The following DTWD2 variants were observed in gnomAD, a reference collection of about 807,000 sequenced individuals.
The protein encoded by DTWD2 is DTW motif tRNA-uridine aminocarboxypropyltransferase 2.
DTWD2 carries 39 observed loss-of-function variants against 31.8 expected under a neutral mutation model. That is an observed-to-expected ratio of 1.22 (90% CI 0.95 to 1.60). The LOEUF (loss-of-function observed/expected upper bound fraction) is 1.60. Among genes scored for constraint, DTWD2 ranks in the 40% most tolerant of loss-of-function variants. DTWD2 has a pLI of 0.00. For synonymous variants in DTWD2, 180 were observed against 142.8 expected (o/e 1.26, Z -1.86); for missense variants, 515 against 381.5 (o/e 1.35, Z -2.92).
At chr5:118,970,039 A>G (rs1754948884) in intron 1 of DTWD2, among the ~76,000 whole-genome samples, 1 of 152,198 alleles carries the variant, frequency 6.6e-6, no homozygotes, top group African/African-American at 2.4e-5. Context: ...CAATGCAATC[A>G]CAAGTATCAA....
intron 4 of DTWD2, among the ~76,000 whole-genome samples, chr5:118,894,472 T>C (rs578262128): frequency 2.0e-5 from 3 of 152,282 alleles, no homozygotes; most frequent in South Asian, 4.1e-4. Flanking sequence ...ACAATAATCA[T>C]AGCAGTGTGG....
intron 4 of DTWD2, among the ~76,000 whole-genome samples, chr5:118,874,511 C>A (rs576545121): frequency 1.3e-5 from 2 of 152,254 alleles, no homozygotes; most frequent in South Asian, 2.1e-4. Context: ...ATAGAGAAGA[C>A]TGTAAGCAAC....
chr5:118,923,789 G>A (rs1188131731), intron 4 of DTWD2, among the ~76,000 whole-genome samples: 1 of 152,128 alleles, frequency 6.6e-6, no homozygotes, highest in East Asian at 1.9e-4. Flanking sequence ...CTGCAGACCC[G>A]CACAGATGTG....
At chr5:118,972,135 A>G (rs542243255) in intron 1 of DTWD2, among the ~76,000 whole-genome samples, 2 of 152,238 alleles carry the variant, frequency 1.3e-5, no homozygotes, top group Admixed American at 6.5e-5. Flanking sequence ...GCATAACTGA[A>G]GGAGACAGAG....
intron 4 of DTWD2, among the ~76,000 whole-genome samples, chr5:118,887,239 G>C (rs1269615721): frequency 6.6e-6 from 1 of 152,126 alleles, no homozygotes; most frequent in Non-Finnish European, 1.5e-5. Context: ...TTCTCTAAAA[G>C]TTTGTGCAAG....
intron 4 of DTWD2, among the ~76,000 whole-genome samples, chr5:118,915,959 C>G (rs1281826100): frequency 6.6e-6 from 1 of 152,124 alleles, no homozygotes; most frequent in Non-Finnish European, 1.5e-5. Flanking sequence ...AATGAGCACT[C>G]TTAAAGATAA....
intron 4 of DTWD2, among the ~76,000 whole-genome samples, chr5:118,849,403 T>C (rs926923738): frequency 6.6e-6 from 1 of 152,132 alleles, no homozygotes; most frequent in Non-Finnish European, 1.5e-5. Context: ...TCTGGAGAAA[T>C]GGGAACACTT....
intron 4 of DTWD2, among the ~76,000 whole-genome samples, chr5:118,875,554 C>A (rs1372220488): frequency 8.1e-6 from 1 of 122,924 alleles, no homozygotes; most frequent in African/African-American, 3.2e-5. Flanking sequence ...GGTTGCAATC[C>A]TAGTTTCTGA....
At chr5:118,888,064 T>A (rs1267531870) in intron 4 of DTWD2, among the ~76,000 whole-genome samples, 1 of 31,322 alleles carries the variant, frequency 3.2e-5, no homozygotes, top group Non-Finnish European at 6.1e-5. Context: ...CACACTTTCA[T>A]CTGTTCCATT....
At chr5:118,942,945 G>A (rs1754239749) in intron 2 of DTWD2, among the ~76,000 whole-genome samples, 1 of 152,006 alleles carries the variant, frequency 6.6e-6, no homozygotes, top group South Asian at 2.1e-4. Context: ...TAGGCCTATA[G>A]GCATACACCA....
At chr5:118,885,864 C>T (rs1752852529) in intron 4 of DTWD2, among the ~76,000 whole-genome samples, 1 of 152,088 alleles carries the variant, frequency 6.6e-6, no homozygotes, top group Non-Finnish European at 1.5e-5. Flanking sequence ...ACTTAGGGGG[C>T]TGAGGTGTAA....
chr5:118,987,713 T>C (rs577114527), intron 1 of DTWD2, among the ~76,000 whole-genome samples: 43 of 152,296 alleles, frequency 2.8e-4, no homozygotes, highest in African/African-American at 9.6e-4. Flanking sequence ...ACCTGATAAA[T>C]TAATGCACAG....
chr5:118,972,466 A>C (rs1755009256), intron 1 of DTWD2, among the ~76,000 whole-genome samples: 1 of 152,176 alleles, frequency 6.6e-6, no homozygotes. Context: ...TTCTGAAACC[A>C]AGGCAGTAAT....
intron 4 of DTWD2, among the ~76,000 whole-genome samples, chr5:118,864,524 A>G (rs6861908): frequency 0.022 from 3,235 of 149,400 alleles, 118 homozygotes; most frequent in African/African-American, 0.075. Context: ...TAAAACTTAG[A>G]GTATTAAAAA....
intron 4 of DTWD2, among the ~76,000 whole-genome samples, chr5:118,904,556 A>G (rs1753283167): frequency 6.6e-6 from 1 of 152,160 alleles, no homozygotes; most frequent in Non-Finnish European, 1.5e-5. Flanking sequence ...GCCTGTGTTT[A>G]GAAAAATTCC....
chr5:118,915,021 A>T (rs777942134), intron 4 of DTWD2, among the ~76,000 whole-genome samples: 2 of 152,130 alleles, frequency 1.3e-5, no homozygotes, highest in Non-Finnish European at 2.9e-5. Context: ...GAGTCCAGGG[A>T]TCGAGACAAA....
At chr5:118,937,474 T>C (rs1009054256) in intron 3 of DTWD2, among the ~76,000 whole-genome samples, 3 of 152,166 alleles carry the variant, frequency 2.0e-5, no homozygotes, top group South Asian at 4.1e-4. Context: ...ACGTAAGTTA[T>C]CTGTAATCCA....
chr5:118,974,048 A>G, intron 1 of DTWD2: 2 of 1,606,600 alleles, frequency 1.2e-6, no homozygotes, highest in Non-Finnish European at 1.7e-6. Context: ...TGAGACAGCT[A>G]CGGGCAAGCG....
At chr5:118,871,938 T>C (rs918932886) in intron 4 of DTWD2, among the ~76,000 whole-genome samples, 2 of 152,244 alleles carry the variant, frequency 1.3e-5, no homozygotes, top group Non-Finnish European at 2.9e-5. Context: ...TACTGTTTAG[T>C]GTAGACACCT....
Sources: allele counts gnomAD v4.1 joint callset (sites outside exome capture counted in the v4.1 genomes callset), GRCh38; gene constraint gnomAD v4.1.1; transcripts MANE v1.5; gene names NCBI Gene and HGNC (gene_info 2026-07-23, HGNC 2026-07-21).